Variants in PXDNL observed in about 807,000 individuals in gnomAD.
PXDNL encodes peroxidasin like.
Under a neutral mutation model 150.8 loss-of-function variants are expected in PXDNL, and 145 were observed. The ratio of observed to expected loss-of-function variants is 0.96; its 90% confidence interval spans 0.84 to 1.10. The LOEUF is 1.10. Among genes scored for constraint, PXDNL ranks in the 50% least tolerant of loss-of-function variants. The probability of loss-of-function intolerance (pLI) is 0.00; values close to 1 mark genes in which losing one functional copy is unlikely to be tolerated. For synonymous variants in PXDNL, 757 were observed against 725.7 expected (o/e 1.04, Z -0.69); for missense variants, 2,087 against 1,873.9 (o/e 1.11, Z -2.10).
At chr8:51,532,225 A>T (rs764943221) in intron 4 of PXDNL, among the ~76,000 whole-genome samples, 20 of 151,610 alleles carry the variant, frequency 1.3e-4, no homozygotes, top group Non-Finnish European at 2.2e-4. Flanking sequence ...CAGAATTAAG[A>T]AAAAAAAGAG....
rs1024188153 is a variant in PXDNL at position 51,683,706 on chromosome 8, C to T, written c.165-28946G>A. 2.8e-4 allele frequency among the ~76,000 whole-genome samples: 43 copies of T among 152,226 alleles called. 1 individual carries two copies. Among genetic ancestry groups the T allele is most frequent in the Admixed American group, 7.2e-4 (11 of 15,298 alleles). ...TCTCCTCTAAGCTCCTCTAAATTCC[C>T]TGAACAAAAAAGCCTCTTGATAGAA... On this transcript the variant is annotated intron_variant, in intron 1 of 22. Coordinates refer to ENST00000356297, the MANE Select transcript of PXDNL (RefSeq NM_144651.5).
At chr8:51,669,747 C>T (rs1815462253) in intron 1 of PXDNL, among the ~76,000 whole-genome samples, 1 of 152,182 alleles carries the variant, frequency 6.6e-6, no homozygotes, top group African/African-American at 2.4e-5. Flanking sequence ...CTGAGCTTCC[C>T]TGACCGCTGG....
intron 12 of PXDNL, among the ~76,000 whole-genome samples, chr8:51,435,084 C>T (rs1016473007): frequency 3.3e-5 from 5 of 152,028 alleles, no homozygotes; most frequent in Admixed American, 2.0e-4. Context: ...TTTGGGAGGC[C>T]GAGGCGGGCA....
intron 4 of PXDNL, among the ~76,000 whole-genome samples, chr8:51,539,613 AG>A (rs1812167547): frequency 6.6e-6 from 1 of 152,068 alleles, no homozygotes; most frequent in East Asian, 1.9e-4. Flanking sequence ...TAATTGGAAA[AG>A]CTTTAACTTC....
At chr8:51,353,795 A>T (rs1806423458) in intron 19 of PXDNL, among the ~76,000 whole-genome samples, 1 of 152,164 alleles carries the variant, frequency 6.6e-6, no homozygotes, top group African/African-American at 2.4e-5. Flanking sequence ...CAAAATTGAG[A>T]TTGAAATAAA....
Position 51,447,051 on chromosome 8 carries a change from G to C in PXDNL, c.1478C>G (p.Ser493Trp), listed in dbSNP as rs752274536. The C allele has an allele frequency of 1.2e-6, 2 of 1,613,872 alleles. No homozygotes were observed. The highest frequency in any genetic ancestry group is 1.7e-6 in the Non-Finnish European group (2 of 1,179,874). Residue 493 changes from serine to tryptophan, a missense_variant, in exon 12 of 23, where the codon TCG becomes TGG. Ser to Trp is a radical substitution (Grantham distance 177). Coordinates refer to ENST00000356297, the MANE Select transcript of PXDNL (RefSeq NM_144651.5). ...CACAGACACCTTTTTCACCCCCAAC[G>C]AACTGACTGCTTGACATTCATATTG... The part of the protein sequence containing the change: ...QGQYECQAVS[S>W]LGVKKVSVQL...
intron 2 of PXDNL, among the ~76,000 whole-genome samples, chr8:51,619,385 C>G (rs78636756): frequency 1.3e-5 from 2 of 152,188 alleles, no homozygotes; most frequent in Non-Finnish European, 2.9e-5. Flanking sequence ...GAGAAAGGAA[C>G]GCTGCATGAA....
intron 4 of PXDNL, among the ~76,000 whole-genome samples, chr8:51,528,646 C>T (rs1198037846): frequency 6.6e-6 from 1 of 152,036 alleles, no homozygotes; most frequent in Non-Finnish European, 1.5e-5. Flanking sequence ...CACACCAGTT[C>T]TTAAAAGTGG....
intron 1 of PXDNL, among the ~76,000 whole-genome samples, chr8:51,772,036 T>C (rs1390783511): frequency 6.6e-6 from 1 of 152,024 alleles, no homozygotes; most frequent in African/African-American, 2.4e-5. Context: ...GGGTCCACTG[T>C]GGCCCCCTCT....
chr8:51,453,822 G>C, intron 9 of PXDNL, 37 bp from the exon 10 acceptor site: 1 of 1,602,192 alleles, frequency 6.2e-7, no homozygotes, highest in South Asian at 1.1e-5. Flanking sequence ...AATCCAGCAA[G>C]TAGCAGTTAG....
chr8:51,642,843 G>A (rs1281570295), intron 2 of PXDNL, among the ~76,000 whole-genome samples: 5 of 152,280 alleles, frequency 3.3e-5, no homozygotes, highest in South Asian at 4.1e-4. Flanking sequence ...CTTCAGCAAA[G>A]TCTCAGGATA....
intron 3 of PXDNL, among the ~76,000 whole-genome samples, chr8:51,568,615 G>A (rs1473803241): frequency 6.6e-6 from 1 of 151,754 alleles, no homozygotes; most frequent in Admixed American, 6.6e-5. Context: ...TGTTCTCTGA[G>A]CTTTTGGGAC....
intron 18 of PXDNL, among the ~76,000 whole-genome samples, chr8:51,373,514 C>A (rs78995278): frequency 0.011 from 1,662 of 152,092 alleles, 28 homozygotes; most frequent in African/African-American, 0.036. Context: ...AGCACATTAA[C>A]CCAATTATGT....
chr8:51,456,954 C>T (rs77959388), intron 9 of PXDNL, among the ~76,000 whole-genome samples: 3 of 152,272 alleles, frequency 2.0e-5, no homozygotes, highest in Non-Finnish European at 4.4e-5. Flanking sequence ...ATGATGGGCT[C>T]AGTAAGGTGA....
At chr8:51,486,788 ATATATATTTTTTTTTTTT>A (rs1336609743) in intron 5 of PXDNL, among the ~76,000 whole-genome samples, 66 of 23,676 alleles carry the variant, frequency 2.8e-3, no homozygotes, top group South Asian at 0.011. Flanking sequence ...ATATATATAT[ATATATATTTTTTTTTTTT>A]TTTTTTTTTT....
intron 17 of PXDNL, among the ~76,000 whole-genome samples, chr8:51,382,337 T>C (rs1414982617): frequency 6.6e-6 from 1 of 152,180 alleles, no homozygotes; most frequent in Non-Finnish European, 1.5e-5. Context: ...GACACCTTGA[T>C]TCCAGACTTC....
At chr8:51,427,792 A>G (rs2129771774) in intron 12 of PXDNL, among the ~76,000 whole-genome samples, 1 of 152,356 alleles carries the variant, frequency 6.6e-6, no homozygotes, top group East Asian at 1.9e-4. Flanking sequence ...AATTAAACAC[A>G]GTGAATACTT....
At chr8:51,675,505 C>T (rs1815593524) in intron 1 of PXDNL, among the ~76,000 whole-genome samples, 1 of 151,950 alleles carries the variant, frequency 6.6e-6, no homozygotes, top group African/African-American at 2.4e-5. Flanking sequence ...TAGAAATTGC[C>T]CAGGCTTGGC....
At chr8:51,648,029 G>A (rs1814959268) in intron 2 of PXDNL, among the ~76,000 whole-genome samples, 1 of 152,128 alleles carries the variant, frequency 6.6e-6, no homozygotes, top group African/African-American at 2.4e-5. Flanking sequence ...AGTTTCCAAA[G>A]TCACATAAAG....
Sources: allele counts gnomAD v4.1 joint callset (sites outside exome capture counted in the v4.1 genomes callset), GRCh38; gene constraint gnomAD v4.1.1; transcripts MANE v1.5; gene names NCBI Gene and HGNC (gene_info 2026-07-23, HGNC 2026-07-21).